The following REPIN1 variants were observed in gnomAD, a reference collection of about 807,000 sequenced individuals.
REPIN1 encodes the protein DNA-binding protein REPIN1.
REPIN1 carries 4 observed loss-of-function variants against 5.7 expected under a neutral mutation model. The observed-to-expected ratio is 0.71, with a 90% CI of 0.35 to 1.62. REPIN1 has a LOEUF of 1.62. REPIN1 is among the 40% of genes most tolerant of loss of function. The pLI, the probability that REPIN1 is intolerant of heterozygous loss-of-function variation, is 0.05. For missense variants in REPIN1, 854 were observed against 901.0 expected (o/e 0.95, Z 0.67); for synonymous variants, 410 against 386.2 (o/e 1.06, Z -0.72).
In REPIN1 at chr7:150,372,977, G is replaced by A. The variant is rs1216054389; in HGVS notation, c.*32G>A. On this transcript the variant is annotated 3_prime_UTR_variant, in exon 3 of 3. Coordinates refer to ENST00000489432, the MANE Select transcript of REPIN1 (RefSeq NM_001099695.2). ...GGGCGGGGCCGTGTTGGCTGAGAGA[G>A]GGCTGGGGTCCTTCGTGGTGGGAGT... 6.3e-7 allele frequency: 1 copy of A among 1,588,962 alleles called. No individual in the cohort carries two copies.
rs1376840331 is a variant in REPIN1, at chr7:150,369,516, A to G, written c.-41-155A>G. The G allele has an allele frequency of 1.4e-5, 9 of 642,234 alleles. No individual in the cohort carries two copies. The East Asian group carries it at 2.5e-4, about 18-fold the overall frequency. The allele number at this position is 642,234 out of a possible 1,614,324, so 39.8% of individuals were successfully genotyped here. On this transcript the variant is annotated intron_variant, in intron 1 of 2. Coordinates refer to ENST00000489432, the MANE Select transcript of REPIN1 (RefSeq NM_001099695.2). Reference sequence around the variant, plus strand: ...AGGGGCACATTCATTTATTAATCCAATGTCCATTAAGGTCACTCTGCCAGG... The same window carrying G: ...AGGGGCACATTCATTTATTAATCCAGTGTCCATTAAGGTCACTCTGCCAGG...
In REPIN1 at chr7:150,371,688, A is replaced by G. The variant is rs528522560; in HGVS notation, c.618A>G (p.Lys206=). The G allele has an allele frequency of 6.2e-7, 1 of 1,606,204 alleles. No individual in the cohort carries two copies. Among genetic ancestry groups the G allele is most frequent in the South Asian group, 1.1e-5 (1 of 91,010 alleles). Residue 206 remains lysine, a synonymous_variant, in exon 3 of 3, where the codon AAA becomes AAG. Transcript: ENST00000489432. The part of the protein sequence containing the change: ...SAAKRPIACP[K]CERRFWRRKQ... ...CAAAGCGGCCCATCGCTTGTCCCAA[A>G]TGCGAGAGACGCTTCTGGCGACGAA...
chr7:150,371,847 G>A lies in REPIN1; in HGVS notation c.777G>A (p.Glu259=), dbSNP rs1161242591. ...LVAHKRVHVA[E]ALEEAAAKAL... is the part of the protein sequence containing the mutation. ...CCCACAAGCGGGTGCACGTAGCTGA[G>A]GCCCTGGAGGAGGCCGCAGCCAAGG... Residue 259 remains glutamate (E), a synonymous_variant, in exon 3 of 3, where the codon GAG becomes GAA. Coordinates refer to ENST00000489432, the MANE Select transcript of REPIN1 (RefSeq NM_001099695.2). 6.8e-6 allele frequency: 11 copies of A among 1,605,930 alleles called. No individual in the cohort carries two copies. The highest frequency in any genetic ancestry group is 9.3e-6 in the Non-Finnish European group (11 of 1,176,796).
intron 2 of REPIN1, chr7:150,370,482 G>A (rs1319542168): frequency 6.4e-6 from 3 of 467,996 alleles, no homozygotes; most frequent in African/African-American, 3.9e-5. Context: ...CTCTGCTCCT[G>A]TTCCCCGAGA....
At position 150,372,958 on chromosome 7, in the gene REPIN1, G is replaced by T; in HGVS notation, c.*13G>T. The T allele has an allele frequency of 6.2e-7, 1 of 1,602,808 alleles. No individual in the cohort carries two copies. Among genetic ancestry groups the T allele is most frequent in the Non-Finnish European group, 8.5e-7 (1 of 1,173,892 alleles). ...GCACGATGTCTGAGACGGTGGGCGGGGCCGTGTTGGCTGAGAGAGGGCTGG... is the reference window on the plus strand; with the variant it reads ...GCACGATGTCTGAGACGGTGGGCGGTGCCGTGTTGGCTGAGAGAGGGCTGG... On this transcript the variant is annotated 3_prime_UTR_variant, in exon 3 of 3. Coordinates refer to ENST00000489432, the MANE Select transcript of REPIN1 (RefSeq NM_001099695.2).
chr7:150,373,001 G>C lies in REPIN1; in HGVS notation c.*56G>C. 6.4e-7 allele frequency: 1 copy of C among 1,569,174 alleles called. No homozygotes were observed. The highest frequency in any genetic ancestry group is 8.6e-7 in the Non-Finnish European group (1 of 1,156,184). ...AGGGCTGGGGTCCTTCGTGGTGGGA[G>C]TCGCAGTGGGCTGGGGGTGCCTGCC... is the stretch of plus-strand genomic sequence containing the variant. On this transcript the variant is annotated 3_prime_UTR_variant, in exon 3 of 3. Transcript: ENST00000489432.
Position 150,372,228 on chromosome 7 carries a change from C to A in REPIN1, c.1158C>A (p.Ser386Arg). Residue 386 changes from serine (S) to arginine (R), a missense_variant, in exon 3 of 3, where the codon AGC (serine) becomes AGA (arginine). Coordinates refer to ENST00000489432, the MANE Select transcript of REPIN1 (RefSeq NM_001099695.2). ...GSAQAAPGPG[S>R]PQLPAGPQES... Reference sequence around the variant, plus strand: ...CCCAGGCCGCCCCCGGCCCGGGGAGCCCCCAGCTGCCAGCCGGCCCCCAGG... The same window carrying A: ...CCCAGGCCGCCCCCGGCCCGGGGAGACCCCAGCTGCCAGCCGGCCCCCAGG... 1 of 1,558,842 alleles carries A rather than the reference C, an allele frequency of 6.4e-7. No individual in the cohort carries two copies.
rs1585070764 is a variant in REPIN1 at position 150,370,568 on chromosome 7, G to A, written c.158-660G>A. ...ATGCTGAAAGTGCCTCCCCTGTGGGGCTAGGAATGAAAAGCTATAGACACC... is the reference window on the plus strand; with the variant it reads ...ATGCTGAAAGTGCCTCCCCTGTGGGACTAGGAATGAAAAGCTATAGACACC... On this transcript the variant is annotated intron_variant, in intron 2 of 2. Transcript: ENST00000489432. 6 of 590,466 alleles carry A rather than the reference G, an allele frequency of 1.0e-5. No homozygotes were observed. The South Asian group carries it at 1.2e-4, about 12-fold the overall frequency. The allele number at this position is 590,466 out of a possible 1,614,324, so 36.6% of individuals were successfully genotyped here. A position where few individuals can be genotyped will look rare whatever the true frequency, so the allele number is the denominator to read the frequency against.
chr7:150,370,490 A>G, intron 2 of REPIN1: 1 of 482,432 alleles, frequency 2.1e-6, no homozygotes, highest in East Asian at 3.9e-5. Flanking sequence ...CTGTTCCCCG[A>G]GAAGGGCTGT....
At chr7:150,369,571 T>C in intron 1 of REPIN1, 100 bp from the exon 2 acceptor site, 1 of 1,013,510 alleles carries the variant, frequency 9.9e-7, no homozygotes, top group Non-Finnish European at 1.5e-6. Flanking sequence ...CTGGTGCGTG[T>C]GGCTTTGTGG....
chr7:150,371,219 C>A lies in REPIN1; in HGVS notation c.158-9C>A. 1 of 1,571,078 alleles carries A rather than the reference C, an allele frequency of 6.4e-7. No individual in the cohort carries two copies. Among genetic ancestry groups the A allele is most frequent in the East Asian group, 2.3e-5 (1 of 44,188 alleles). On this transcript the variant is annotated splice_polypyrimidine_tract_variant and intron_variant, in intron 2 of 2. Transcript: ENST00000489432. ...GGTCTCTGGAGTGACTGTGCTTTTC[C>A]ACCCTCAGCAGAGGAAGAACCGATG...
rs1429675804 is a variant in REPIN1 at position 150,372,789 on chromosome 7, C to T, written c.1719C>T (p.Ala573=). Residue 573 remains alanine, a synonymous_variant, in exon 3 of 3, where the codon GCC becomes GCT. Transcript: ENST00000489432. The stretch of plus-strand genomic sequence containing the variant: ...TCCACACGGGCGAGCGGCCCTACGC[C>T]TGTCCCGACTGCGACCGCAGCTTCA... ...RRIHTGERPY[A]CPDCDRSFSQ... is the part of the protein sequence containing the mutation. 1.9e-6 allele frequency: 3 copies of T among 1,612,018 alleles called. No homozygotes were observed. Among genetic ancestry groups the T allele is most frequent in the Non-Finnish European group, 2.5e-6 (3 of 1,179,976 alleles).
Position 150,371,354 on chromosome 7 carries a change from T to C in REPIN1, c.284T>C (p.Leu95Pro). The C allele has an allele frequency of 6.3e-7, 1 of 1,590,730 alleles. No homozygotes were observed. ...PQTLGKESRG[L>P]RQQGTSVAQS... ...ACCCTGGGGAAGGAGTCCCGCGGGCTGAGGCAACAAGGCACGTCAGTGGCC... is the reference window on the plus strand; with the variant it reads ...ACCCTGGGGAAGGAGTCCCGCGGGCCGAGGCAACAAGGCACGTCAGTGGCC... Residue 95 changes from leucine to proline, a missense_variant, in exon 3 of 3, where the codon CTG (leucine) becomes CCG (proline). Leu to Pro is a moderately conservative substitution (Grantham distance 98, BLOSUM62 -3). Around this residue, in one of 5 missense-constraint regions of REPIN1, gnomAD observed 409 missense variants for 418.6 expected, o/e 0.98. Transcript: ENST00000489432.
At position 150,371,280 on chromosome 7, in the gene REPIN1, C is replaced by T. The variant is rs767792754; in HGVS notation, c.210C>T (p.Gly70=). Reference sequence around the variant, plus strand: ...GTTGCAGGGGCCCCCTGGCCATGGGCCTGGCCCAGCCCCGACTCCTTTCTG... The same window carrying T: ...GTTGCAGGGGCCCCCTGGCCATGGGTCTGGCCCAGCCCCGACTCCTTTCTG... The part of the protein sequence containing the change: ...ERRCRGPLAM[G]LAQPRLLSGP... The change falls in exon 3 of 3, where the codon GGC becomes GGT. Residue 70 remains glycine, a synonymous_variant. Transcript: ENST00000489432. The T allele has an allele frequency of 4.3e-5, 68 of 1,599,456 alleles. No homozygotes were observed. Among genetic ancestry groups the T allele is most frequent in the Admixed American group, 1.4e-4 (8 of 58,184 alleles).
chr7:150,368,529 G>C (rs1357882195), upstream of REPIN1, among the ~76,000 whole-genome samples: 1 of 152,134 alleles, frequency 6.6e-6, no homozygotes, highest in Admixed American at 6.5e-5. Flanking sequence ...CCGGGGACGC[G>C]CGTGCTCCGC....
chr7:150,369,807 C>A lies in REPIN1; in HGVS notation c.96C>A (p.Ile32=). ...GCAGGCGCTGCAGCCGCGGAAGTAT[C>A]CCCAGGAACATCCCCAAGAGGAGCT... ...GRSRRCSRGS[I]PRNIPKRSWK... The change falls in exon 2 of 3, where the codon ATC becomes ATA. Residue 32 remains isoleucine, a synonymous_variant. Transcript: ENST00000489432. The A allele has an allele frequency of 1.2e-6, 2 of 1,613,762 alleles. No individual in the cohort carries two copies. Among genetic ancestry groups the A allele is most frequent in the Non-Finnish European group, 1.7e-6 (2 of 1,179,672 alleles).
In REPIN1 at chr7:150,372,683, A is replaced by G; in HGVS notation, c.1613A>G (p.His538Arg). The change falls in exon 3 of 3, where the codon CAC becomes CGC. Residue 538 changes from histidine (H) to arginine (R), a missense_variant. Around this residue, in one of 5 missense-constraint regions of REPIN1, gnomAD observed 101 missense variants for 124.7 expected, o/e 0.81. Coordinates refer to ENST00000489432, the MANE Select transcript of REPIN1 (RefSeq NM_001099695.2). ...KPYLAAHRRI[H>R]TGEKPYVCPD... is the part of the protein sequence containing the mutation. ...TACCTGGCGGCGCACCGGCGCATCC[A>G]CACCGGCGAGAAGCCCTACGTCTGC... 1 of 1,612,674 alleles carries G rather than the reference A, an allele frequency of 6.2e-7. No homozygotes were observed. Among genetic ancestry groups the G allele is most frequent in the Non-Finnish European group, 8.5e-7 (1 of 1,179,858 alleles).
Position 150,372,164 on chromosome 7 carries a change from T to A in REPIN1, c.1094T>A (p.Leu365Gln). The A allele has an allele frequency of 1.9e-6, 3 of 1,606,164 alleles. No homozygotes were observed. Among genetic ancestry groups the A allele is most frequent in the Non-Finnish European group, 2.5e-6 (3 of 1,177,788 alleles). ...GRRFRHKPNL[L>Q]SHSKIHKRSE... ...CGCTTCCGGCACAAACCCAACCTGC[T>A]GTCTCACAGCAAGATTCACAAGCGA... Residue 365 changes from leucine (L) to glutamine (Q), a missense_variant, in exon 3 of 3, where the codon CTG (leucine) becomes CAG (glutamine). This residue lies in a region of REPIN1 where 327 missense variants were observed against 307.8 expected (regional missense o/e 1.06). Coordinates refer to ENST00000489432, the MANE Select transcript of REPIN1 (RefSeq NM_001099695.2).
intron 2 of REPIN1, chr7:150,370,894 G>A (rs1454385259): frequency 1.4e-6 from 1 of 700,006 alleles, no homozygotes; most frequent in Non-Finnish European, 2.6e-6. Flanking sequence ...GGTGAGTCCT[G>A]TGGCAGGAAT....
Sources: gnomAD v4.1 joint callset for allele counts (sites outside exome capture counted in the v4.1 genomes callset) on GRCh38, gnomAD v4.1.1 for gene constraint, gnomAD v4.1.1 regional missense constraint, MANE v1.5 for transcripts, NCBI Gene and HGNC (gene_info 2026-07-23, HGNC 2026-07-21) for gene names.